PRLH: variants seen among roughly 807,000 people sequenced by gnomAD.
PRLH encodes prolactin releasing hormone.
Under a neutral mutation model 3.2 loss-of-function variants are expected in PRLH, and 6 were observed. The ratio of observed to expected loss-of-function variants is 1.86; its 90% CI spans 1.02 to 3.66. The LOEUF (loss-of-function observed/expected upper bound fraction) is 3.66. Among genes scored for constraint, PRLH ranks in the 30% most tolerant of loss-of-function variants. PRLH has a pLI of 0.00. For missense variants in PRLH, 145 were observed against 122.6 expected, an observed-to-expected ratio of 1.18 and a Z score of -0.86; for synonymous variants, 65 against 51.1, an observed-to-expected ratio of 1.27 and a Z score of -1.16.
In PRLH at chr2:237,566,639, A is replaced by G; in HGVS notation, c.66A>G (p.Ala22=). The change falls in exon 1 of 2, where the codon GCA becomes GCG. Residue 22 remains alanine, a synonymous_variant. Transcript: ENST00000165524. The part of the protein sequence containing the change: ...LMLGLALRGA[A]SRTHRHSMEI... ...TGGGCCTGGCCCTGCGGGGAGCTGC[A>G]AGTCGTACCCATCGGCACTCCATGG... 1 of 1,572,908 alleles carries G rather than the reference A, an allele frequency of 6.4e-7. No individual in the cohort carries two copies. The highest frequency in any genetic ancestry group is 8.6e-7 in the Non-Finnish European group (1 of 1,160,008).
chr2:237,566,582 G>T lies in PRLH; in HGVS notation c.9G>T (p.Val3=), dbSNP rs766152372. The T allele has an allele frequency of 6.4e-7, 1 of 1,573,296 alleles. No homozygotes were observed. Among genetic ancestry groups the T allele is most frequent in the Non-Finnish European group, 8.6e-7 (1 of 1,161,044 alleles). Residue 3 remains valine (V), a synonymous_variant, in exon 1 of 2, where the codon GTG becomes GTT. Coordinates refer to ENST00000165524, the MANE Select transcript of PRLH (RefSeq NM_015893.1). ...CTCGGAGGAGCCAAGGGATGAAGGTGCTGAGGGCCTGGCTCCTGTGCCTGC... is the reference window on the plus strand; with the variant it reads ...CTCGGAGGAGCCAAGGGATGAAGGTTCTGAGGGCCTGGCTCCTGTGCCTGC... MK[V]LRAWLLCLLM... is the part of the protein sequence containing the mutation.
Position 237,567,044 on chromosome 2 carries a change from C to T in PRLH, c.133C>T (p.Arg45Cys), listed in dbSNP as rs773361810. The T allele has an allele frequency of 2.5e-6, 4 of 1,614,090 alleles. No homozygotes were observed. Among genetic ancestry groups the T allele is most frequent in the South Asian group, 2.2e-5 (2 of 91,078 alleles). ...CATCAATCCTGCCTGGTACGCCAGT[C>T]GCGGGATCAGGCCTGTGGGCCGCTT... is the stretch of plus-strand genomic sequence containing the variant. Reference protein sequence around the residue: ...PDINPAWYASRGIRPVGRFGR... With the variant: ...PDINPAWYASCGIRPVGRFGR... The change falls in exon 2 of 2, where the codon CGC becomes TGC. Residue 45 changes from arginine to cysteine, a missense_variant. Physicochemically the swap from Arg to Cys is radical, Grantham distance 180. Transcript: ENST00000165524.
chr2:237,566,948 T>TC lies in PRLH; in HGVS notation c.101-63dup, dbSNP rs1281965055. 7 of 1,597,834 alleles carry TC rather than the reference T, an allele frequency of 4.4e-6. No homozygotes were observed. The African/African-American group carries it at 9.4e-5, about 21-fold the overall frequency. ...TGCCTGTGCACTCTGCCCCGCTGCC[T>TC]CTGGGAGCACAGCACACCCTGGGGA... is the stretch of plus-strand genomic sequence containing the variant. On this transcript the variant is annotated intron_variant, in intron 1 of 1. Transcript: ENST00000165524.
At chr2:237,566,845 A>G (rs1246004734) in intron 1 of PRLH, among the ~76,000 whole-genome samples, 167 bp from the exon 2 acceptor site, 1 of 152,142 alleles carries the variant, frequency 6.6e-6, no homozygotes, top group Non-Finnish European at 1.5e-5. Context: ...CACGCCCAGA[A>G]ATGGCCTCGC....
At position 237,566,624 on chromosome 2, in the gene PRLH, C is replaced by A; in HGVS notation, c.51C>A (p.Ala17=). 6.3e-7 allele frequency: 1 copy of A among 1,579,924 alleles called. No individual in the cohort carries two copies. Among genetic ancestry groups the A allele is most frequent in the Non-Finnish European group, 8.6e-7 (1 of 1,164,182 alleles). Residue 17 remains alanine (A), a synonymous_variant, in exon 1 of 2, where the codon GCC becomes GCA. Transcript: ENST00000165524. The stretch of plus-strand genomic sequence containing the variant: ...TGTGCCTGCTGATGCTGGGCCTGGC[C>A]CTGCGGGGAGCTGCAAGTCGTACCC... The part of the protein sequence containing the change: ...WLLCLLMLGL[A]LRGAASRTHR...
intron 1 of PRLH, 34 bp downstream of exon 1, chr2:237,566,707 C>A: frequency 6.5e-7 from 1 of 1,533,946 alleles, no homozygotes; most frequent in Non-Finnish European, 8.8e-7. Context: ...CCTCCCTTAC[C>A]CCACCCTGCC....
In PRLH at chr2:237,567,066, G is replaced by A. The variant is rs370035806; in HGVS notation, c.155G>A (p.Arg52His). 304 of 1,614,020 alleles carry A rather than the reference G, an allele frequency of 1.9e-4. 1 individual carries two copies. Among genetic ancestry groups the A allele is most frequent in the South Asian group, 1.1e-3 (97 of 91,076 alleles). Residue 52 changes from arginine to histidine, a missense_variant, in exon 2 of 2, where the codon CGC becomes CAC. By Grantham distance (29) the Arg-to-His change is conservative. Coordinates refer to ENST00000165524, the MANE Select transcript of PRLH (RefSeq NM_015893.1). ...YASRGIRPVG[R>H]FGRRRATLGD... Reference sequence around the variant, plus strand: ...AGTCGCGGGATCAGGCCTGTGGGCCGCTTCGGTCGGAGGAGGGCAACCCTG... The same window carrying A: ...AGTCGCGGGATCAGGCCTGTGGGCCACTTCGGTCGGAGGAGGGCAACCCTG...
intron 1 of PRLH, 32 bp from the exon 2 acceptor site, chr2:237,566,980 C>A: frequency 6.2e-7 from 1 of 1,611,872 alleles, no homozygotes; most frequent in South Asian, 1.1e-5. Flanking sequence ...GGGACACGTG[C>A]CCATGGTCTG....
chr2:237,567,086 A>G lies in PRLH; in HGVS notation c.175A>G (p.Thr59Ala), dbSNP rs1473626733. 6.2e-7 allele frequency: 1 copy of G among 1,613,812 alleles called. No individual in the cohort carries two copies. Among genetic ancestry groups the G allele is most frequent in the African/African-American group, 1.3e-5 (1 of 74,878 alleles). Residue 59 changes from threonine to alanine, a missense_variant, in exon 2 of 2, where the codon ACC becomes GCC. Transcript: ENST00000165524. ...PVGRFGRRRA[T>A]LGDVPKPGLR... The stretch of plus-strand genomic sequence containing the variant: ...GGGCCGCTTCGGTCGGAGGAGGGCA[A>G]CCCTGGGGGACGTCCCCAAGCCTGG...
intron 1 of PRLH, among the ~76,000 whole-genome samples, 159 bp from the exon 2 acceptor site, chr2:237,566,853 C>T (rs576888080): frequency 8.1e-4 from 123 of 152,362 alleles, no homozygotes; most frequent in African/African-American, 2.9e-3. Flanking sequence ...GAAATGGCCT[C>T]GCCAGAACCT....
At chr2:237,566,898 G>C (rs2081195080) in intron 1 of PRLH, 114 bp from the exon 2 acceptor site, 2 of 1,471,890 alleles carry the variant, frequency 1.4e-6, no homozygotes, top group Admixed American at 3.4e-5. Context: ...TCCCAGCATG[G>C]CCTGGCGACT....
intron 1 of PRLH, 34 bp from the exon 2 acceptor site, chr2:237,566,978 T>C: frequency 1.9e-6 from 3 of 1,611,596 alleles, no homozygotes; most frequent in Non-Finnish European, 2.5e-6. Context: ...TGGGGACACG[T>C]GCCCATGGTC....
chr2:237,566,910 G>C, intron 1 of PRLH, 102 bp from the exon 2 acceptor site: 1 of 1,525,774 alleles, frequency 6.6e-7, no homozygotes, highest in Non-Finnish European at 9.0e-7. Context: ...CTGGCGACTG[G>C]GCTGAGAGGC....
rs781544659 is a variant in PRLH, at chr2:237,567,071, G to A, written c.160G>A (p.Gly54Ser). Residue 54 changes from glycine to serine, a missense_variant, in exon 2 of 2, where the codon GGT (glycine) becomes AGT (serine). Physicochemically the swap from Gly to Ser is moderately conservative, Grantham distance 56. Transcript: ENST00000165524. The stretch of plus-strand genomic sequence containing the variant: ...CGGGATCAGGCCTGTGGGCCGCTTC[G>A]GTCGGAGGAGGGCAACCCTGGGGGA... ...SRGIRPVGRF[G>S]RRRATLGDVP... is the part of the protein sequence containing the mutation. 7.4e-6 allele frequency: 12 copies of A among 1,613,944 alleles called. No homozygotes were observed. Among genetic ancestry groups the A allele is most frequent in the Middle Eastern group, 3.3e-4 (2 of 6,084 alleles).
At chr2:237,566,786 G>C in intron 1 of PRLH, 113 bp downstream of exon 1, 1 of 1,214,092 alleles carries the variant, frequency 8.2e-7, no homozygotes, top group Non-Finnish European at 1.2e-6. Flanking sequence ...GGGAGGAAAG[G>C]GAAGTCAGTC....
rs2081194726 is a variant in PRLH, at chr2:237,566,824, C to A, written c.100+151C>A. ...GGTGCTTTTTTGAACTCCTGCTTCC[C>A]AAAGCCAGCCCACGCCCAGAAATGG... On this transcript the variant is annotated intron_variant, in intron 1 of 1. Transcript: ENST00000165524. 4 of 1,151,114 alleles carry A rather than the reference C, an allele frequency of 3.5e-6. No homozygotes were observed. In the East Asian group the frequency reaches 1.0e-4, roughly 30 times the overall value. The allele number at this position is 1,151,114 out of a possible 1,614,324, so 71.3% of individuals were successfully genotyped here. A position where few individuals can be genotyped will look rare whatever the true frequency, so the allele number is the denominator to read the frequency against.
At chr2:237,566,947 C>G (rs1240561152) in intron 1 of PRLH, 65 bp from the exon 2 acceptor site, 46 of 1,597,234 alleles carry the variant, frequency 2.9e-5, no homozygotes, top group Non-Finnish European at 3.9e-5. Flanking sequence ...GCCCCGCTGC[C>G]TCTGGGAGCA....
rs138895198 is a variant in PRLH at position 237,567,065 on chromosome 2, C to T, written c.154C>T (p.Arg52Cys). 3.8e-5 allele frequency: 61 copies of T among 1,614,074 alleles called. No individual in the cohort carries two copies. The African/African-American group carries it at 5.7e-4, about 15-fold the overall frequency. ...YASRGIRPVG[R>C]FGRRRATLGD... ...CAGTCGCGGGATCAGGCCTGTGGGC[C>T]GCTTCGGTCGGAGGAGGGCAACCCT... Residue 52 changes from arginine to cysteine, a missense_variant, in exon 2 of 2, where the codon CGC becomes TGC. By Grantham distance (180) the Arg-to-Cys change is radical. Coordinates refer to ENST00000165524, the MANE Select transcript of PRLH (RefSeq NM_015893.1).
Position 237,567,078 on chromosome 2 carries a change from G to A in PRLH, c.167G>A (p.Arg56Lys), listed in dbSNP as rs2081196497. 2 of 1,614,128 alleles carry A rather than the reference G, an allele frequency of 1.2e-6. No individual in the cohort carries two copies. Among genetic ancestry groups the A allele is most frequent in the East Asian group, 4.5e-5 (2 of 44,884 alleles). Residue 56 changes from arginine (R) to lysine (K), a missense_variant, in exon 2 of 2, where the codon AGG becomes AAG. Physicochemically the swap from Arg to Lys is conservative, Grantham distance 26. Coordinates refer to ENST00000165524, the MANE Select transcript of PRLH (RefSeq NM_015893.1). ...AGGCCTGTGGGCCGCTTCGGTCGGAGGAGGGCAACCCTGGGGGACGTCCCC... is the reference window on the plus strand; with the variant it reads ...AGGCCTGTGGGCCGCTTCGGTCGGAAGAGGGCAACCCTGGGGGACGTCCCC... ...GIRPVGRFGR[R>K]RATLGDVPKP...
Sources: allele counts gnomAD v4.1 joint callset (sites outside exome capture counted in the v4.1 genomes callset), GRCh38; gene constraint gnomAD v4.1.1; transcripts MANE v1.5; gene names NCBI Gene and HGNC (gene_info 2026-07-23, HGNC 2026-07-21).